Variants in CNIH3 observed in about 807,000 individuals in gnomAD.
CNIH3 encodes the protein cornichon family AMPA receptor auxiliary protein 3, also known as protein cornichon homolog 3.
CNIH3 carries 14 observed loss-of-function variants against 24.1 expected under a neutral mutation model. The observed-to-expected ratio is 0.58, with a 90% CI of 0.38 to 0.91. The LOEUF is 0.91. CNIH3 is among the 40% of genes least tolerant of loss of function. The pLI is 0.00. For synonymous variants in CNIH3, 68 were observed against 73.8 expected, an observed-to-expected ratio of 0.92 and a Z score of 0.40; for missense variants, 178 against 196.8, an observed-to-expected ratio of 0.90 and a Z score of 0.57.
At chr1:224,675,912 C>G (rs941803215) in intron 1 of CNIH3, among the ~76,000 whole-genome samples, 2 of 152,200 alleles carry the variant, frequency 1.3e-5, no homozygotes, top group African/African-American at 4.8e-5. Flanking sequence ...CAAAATAGTG[C>G]AGCCACTTTG....
rs1679181568 is a variant in CNIH3, at chr1:224,533,951, G to A, written n.344-2985G>A. On this transcript the variant is annotated intron_variant and non_coding_transcript_variant, in intron 2 of 2. Coordinates refer to the CNIH3 transcript ENST00000470602. ...AGGCTGACGCAGGTGGATCGCTTGA[G>A]CCCAGGAGTTTGAGACTAGCCTGGG... 3.3e-5 allele frequency among the ~76,000 whole-genome samples: 5 copies of A among 152,314 alleles called. No homozygotes were observed. The South Asian group carries it at 8.3e-4, about 25-fold the overall frequency.
At chr1:224,635,170 TC>T (rs1357594514) in intron 1 of CNIH3, among the ~76,000 whole-genome samples, 2 of 144,564 alleles carry the variant, frequency 1.4e-5, no homozygotes, top group Non-Finnish European at 3.0e-5. Flanking sequence ...ATGGCGGGGG[TC>T]GGGGGGAACT....
chr1:224,681,465 C>T (rs1686401506), intron 2 of CNIH3, among the ~76,000 whole-genome samples: 1 of 152,210 alleles, frequency 6.6e-6, no homozygotes, highest in Non-Finnish European at 1.5e-5. Flanking sequence ...TGGCGCCATC[C>T]ATCACCCAGA....
intron 1 of CNIH3, among the ~76,000 whole-genome samples, chr1:224,487,277 A>G (rs924607657): frequency 4.6e-5 from 7 of 152,180 alleles, no homozygotes; most frequent in Non-Finnish European, 1.0e-4. Context: ...TACTGAGTTT[A>G]TTTGTAGACA....
intron 1 of CNIH3, among the ~76,000 whole-genome samples, chr1:224,665,143 A>T (rs1685536063): frequency 1.3e-5 from 2 of 152,250 alleles, no homozygotes; most frequent in Non-Finnish European, 2.9e-5. Flanking sequence ...GGTCTTGGAC[A>T]GCATGGTCTG....
At chr1:224,698,139 A>G (rs547535584) in intron 3 of CNIH3, among the ~76,000 whole-genome samples, 2 of 152,330 alleles carry the variant, frequency 1.3e-5, no homozygotes, top group Admixed American at 6.5e-5. Flanking sequence ...GGCACAGACA[A>G]TTACACAACT....
chr1:224,474,810 A>G (rs962581002), intron 1 of CNIH3, among the ~76,000 whole-genome samples: 2 of 151,370 alleles, frequency 1.3e-5, no homozygotes, highest in South Asian at 2.1e-4. Flanking sequence ...GGCAGATCAC[A>G]AGGTCAGGAG....
intron 1 of CNIH3, among the ~76,000 whole-genome samples, chr1:224,652,265 A>G (rs1242557896): frequency 6.6e-5 from 10 of 152,036 alleles, no homozygotes; most frequent in Non-Finnish European, 1.5e-4. Flanking sequence ...TATATGGCGA[A>G]CTGGGGTAAC....
chr1:224,733,871 G>T (rs1689459753), intron 4 of CNIH3, among the ~76,000 whole-genome samples: 1 of 152,118 alleles, frequency 6.6e-6, no homozygotes, highest in Non-Finnish European at 1.5e-5. Context: ...TCAGACTCCT[G>T]CCCCAGGTCT....
chr1:224,528,365 G>A (rs1678927037), intron 2 of CNIH3, among the ~76,000 whole-genome samples: 1 of 152,166 alleles, frequency 6.6e-6, no homozygotes. Context: ...ATATTGTACA[G>A]GTTGGAGTGC....
At chr1:224,441,546 G>C (rs1369074577) in intron 1 of CNIH3, among the ~76,000 whole-genome samples, 1 of 152,210 alleles carries the variant, frequency 6.6e-6, no homozygotes, top group Non-Finnish European at 1.5e-5. Context: ...AGTTTCGAAT[G>C]TGTTGTTCAT....
chr1:224,718,534 A>C (rs1319989426), intron 3 of CNIH3, among the ~76,000 whole-genome samples: 8 of 152,180 alleles, frequency 5.3e-5, no homozygotes, highest in Non-Finnish European at 1.0e-4. Flanking sequence ...GTTAAGCCAA[A>C]AAGAGACATG....
intron 1 of CNIH3, among the ~76,000 whole-genome samples, chr1:224,489,518 T>C (rs1474509704): frequency 6.6e-6 from 1 of 152,220 alleles, no homozygotes; most frequent in Non-Finnish European, 1.5e-5. Context: ...CCCTTAGTGC[T>C]TTTCCCCTCT....
chr1:224,457,291 G>C (rs1675713705), intron 1 of CNIH3, among the ~76,000 whole-genome samples: 1 of 151,578 alleles, frequency 6.6e-6, no homozygotes, highest in Non-Finnish European at 1.5e-5. Context: ...GTGTGTGTGT[G>C]TGTGTGTGTG....
chr1:224,461,726 A>G (rs1025207264), intron 1 of CNIH3, among the ~76,000 whole-genome samples: 3 of 152,234 alleles, frequency 2.0e-5, no homozygotes, highest in Non-Finnish European at 4.4e-5. Flanking sequence ...GTTGTGCAAC[A>G]ACCAGCACCA....
intron 2 of CNIH3, among the ~76,000 whole-genome samples, chr1:224,523,152 T>A (rs1043931941): frequency 6.6e-6 from 1 of 152,040 alleles, no homozygotes; most frequent in Non-Finnish European, 1.5e-5. Context: ...GGCAGAAGGA[T>A]CGCTTGAGTG....
intron 3 of CNIH3, chr1:224,730,241 G>T: frequency 2.0e-6 from 1 of 511,402 alleles, no homozygotes; most frequent in Non-Finnish European, 3.5e-6. Flanking sequence ...CTGAGGGCTT[G>T]TGTCATTTGG....
At chr1:224,706,692 C>T (rs369620252) in intron 3 of CNIH3, among the ~76,000 whole-genome samples, 5 of 152,130 alleles carry the variant, frequency 3.3e-5, no homozygotes, top group South Asian at 4.2e-4. Flanking sequence ...GCTCTTTCAT[C>T]GAAGGTAAAC....
chr1:224,656,074 C>G (rs1370368725), intron 1 of CNIH3, among the ~76,000 whole-genome samples: 1 of 152,184 alleles, frequency 6.6e-6, no homozygotes, highest in East Asian at 1.9e-4. Flanking sequence ...TTCTGTTGAA[C>G]AGTTGGGGCA....
Sources: allele counts gnomAD v4.1 joint callset (sites outside exome capture counted in the v4.1 genomes callset), GRCh38; gene constraint gnomAD v4.1.1; transcripts MANE v1.5; gene names NCBI Gene and HGNC (gene_info 2026-07-23, HGNC 2026-07-21).